Variants in HMOX2 observed in about 807,000 individuals in gnomAD.
HMOX2 encodes the protein heme oxygenase 2, also known as heme oxygenase (decycling) 2.
In HMOX2, 30 loss-of-function variants were observed where a neutral mutation model predicts 33.7. The ratio of observed to expected loss-of-function variants is 0.89; its 90% CI spans 0.67 to 1.21. HMOX2 has a LOEUF of 1.21. HMOX2 is among the 50% of genes most tolerant of loss of function. The pLI is 0.00. For synonymous variants in HMOX2, 155 were observed against 155.0 expected (o/e 1.00, Z 0.00); for missense variants, 403 against 399.1 (o/e 1.01, Z -0.08).
chr16:4,501,379 T>C (rs1475845423), intron 1 of HMOX2, among the ~76,000 whole-genome samples: 1 of 152,242 alleles, frequency 6.6e-6, no homozygotes, highest in Non-Finnish European at 1.5e-5. Flanking sequence ...ACACAGCTTA[T>C]CAACTTGCCC....
chr16:4,482,470 G>A (rs937890005), intron 1 of HMOX2, among the ~76,000 whole-genome samples: 2 of 152,266 alleles, frequency 1.3e-5, no homozygotes, highest in South Asian at 2.1e-4. Context: ...CACCGGTGCG[G>A]TGTCCTCTAA....
At chr16:4,507,302 G>T (rs1403907652) in intron 3 of HMOX2, among the ~76,000 whole-genome samples, 1 of 152,012 alleles carries the variant, frequency 6.6e-6, no homozygotes, top group African/African-American at 2.4e-5. Context: ...AAAATTAGCC[G>T]GGTGTGGTGG....
chr16:4,506,990 A>G lies in HMOX2; in HGVS notation c.182A>G (p.Asn61Ser), dbSNP rs752086119. ...TTTGTCAAGGACTTCTTGAAAGGCA[A>G]CATTAAGAAGGAGCTGTTTAAGGTT... ...TQFVKDFLKG[N>S]IKKELFKLAT... The change falls in exon 3 of 6, where the codon AAC (asparagine) becomes AGC (serine). Residue 61 changes from asparagine to serine, a missense_variant. By Grantham distance (46) the Asn-to-Ser change is conservative (BLOSUM62 1). Coordinates refer to ENST00000570646, the MANE Select transcript of HMOX2 (RefSeq NM_002134.4). The G allele has an allele frequency of 7.4e-6, 12 of 1,610,988 alleles. No individual in the cohort carries two copies. Among genetic ancestry groups the G allele is most frequent in the East Asian group, 4.5e-5 (2 of 44,876 alleles).
At chr16:4,482,271 T>G (rs564499826) in intron 1 of HMOX2, among the ~76,000 whole-genome samples, 4 of 152,270 alleles carry the variant, frequency 2.6e-5, no homozygotes, top group East Asian at 1.9e-4. Context: ...AAATATGCTG[T>G]TCTGAGAAAC....
In HMOX2 at chr16:4,507,856, C is replaced by G; in HGVS notation, c.348C>G (p.Phe116Leu). The change falls in exon 4 of 6, where the codon TTC becomes TTG. Residue 116 changes from phenylalanine (F) to leucine (L), a missense_variant. Transcript: ENST00000570646. Reference sequence around the variant, plus strand: ...CGCTGACCAAGGACATGGAGTATTTCTTTGGTGAAAACTGGGAGGAGCAGG... The same window carrying G: ...CGCTGACCAAGGACATGGAGTATTTGTTTGGTGAAAACTGGGAGGAGCAGG... The part of the protein sequence containing the change: ...KEALTKDMEY[F>L]FGENWEEQVQ... The G allele has an allele frequency of 1.2e-6, 2 of 1,614,202 alleles. No individual in the cohort carries two copies. Among genetic ancestry groups the G allele is most frequent in the East Asian group, 2.2e-5 (1 of 44,880 alleles).
At chr16:4,487,143 C>T (rs185498373) in intron 1 of HMOX2, among the ~76,000 whole-genome samples, 1 of 152,218 alleles carries the variant, frequency 6.6e-6, no homozygotes, top group Admixed American at 6.5e-5. Context: ...CCTGTAGTCT[C>T]AGCTGCTCGA....
intron 2 of HMOX2, among the ~76,000 whole-genome samples, chr16:4,505,967 T>C (rs1438483732): frequency 5.3e-5 from 8 of 152,192 alleles, no homozygotes; most frequent in African/African-American, 1.9e-4. Flanking sequence ...CATAAAAGAC[T>C]GCAGGGCAGC....
At chr16:4,491,216 T>C (rs1567388109) in intron 1 of HMOX2, among the ~76,000 whole-genome samples, 2 of 152,186 alleles carry the variant, frequency 1.3e-5, no homozygotes, top group African/African-American at 4.8e-5. Context: ...TATAAGTCGC[T>C]CTAAAGAAAC....
At chr16:4,486,703 C>T (rs1043739951) in intron 1 of HMOX2, among the ~76,000 whole-genome samples, 3 of 152,176 alleles carry the variant, frequency 2.0e-5, no homozygotes, top group African/African-American at 7.2e-5. Context: ...TTTGGACATA[C>T]AGGCCTAAGA....
At chr16:4,498,061 C>CTTTTT (rs35332500) in intron 1 of HMOX2, among the ~76,000 whole-genome samples, 59 of 104,378 alleles carry the variant, frequency 5.7e-4, no homozygotes, top group Non-Finnish European at 7.3e-4. Context: ...GATTCATTGT[C>CTTTTT]TTTTTTTTTT....
chr16:4,485,556 C>T (rs2160567), intron 1 of HMOX2, among the ~76,000 whole-genome samples: 82,912 of 151,748 alleles, frequency 0.55, 25,824 homozygotes, highest in Non-Finnish European at 0.7. Flanking sequence ...TTGTACTGAA[C>T]CCATTAGGAC....
At chr16:4,475,361 G>A (rs1443548683), upstream of HMOX2, among the ~76,000 whole-genome samples, 4 of 141,828 alleles carry the variant, frequency 2.8e-5, no homozygotes, top group Non-Finnish European at 4.4e-5. Context: ...CTGGAGTGCA[G>A]TGGTGGTGCG....
chr16:4,477,129 G>T (rs2057876880), intron 1 of HMOX2, among the ~76,000 whole-genome samples: 1 of 151,038 alleles, frequency 6.6e-6, no homozygotes, highest in Admixed American at 6.6e-5. Context: ...AGTGCTCTGG[G>T]TGGATTAATT....
At chr16:4,487,578 T>C (rs1015287496) in intron 1 of HMOX2, among the ~76,000 whole-genome samples, 1 of 150,252 alleles carries the variant, frequency 6.7e-6, no homozygotes, top group Non-Finnish European at 1.5e-5. Flanking sequence ...CCGAGGCGGG[T>C]GGATCACAAG....
chr16:4,497,204 A>G (rs2058443196), intron 1 of HMOX2, among the ~76,000 whole-genome samples: 1 of 152,194 alleles, frequency 6.6e-6, no homozygotes, highest in Non-Finnish European at 1.5e-5. Flanking sequence ...CCTGTATGAA[A>G]GGAAACATGA....
At chr16:4,483,614 T>C (rs1238605483) in intron 1 of HMOX2, 1 of 152,202 alleles carries the variant, frequency 6.6e-6, no homozygotes, top group Non-Finnish European at 1.5e-5. Context: ...TAAATCTTTT[T>C]GTTTGTTTGT....
At position 4,506,798 on chromosome 16, in the gene HMOX2, G is replaced by A. The variant is rs573634046; in HGVS notation, c.87-97G>A. 4.7e-5 allele frequency: 39 copies of A among 833,310 alleles called. No homozygotes were observed. In the African/African-American group the frequency reaches 5.9e-4, roughly 13 times the overall value. The allele number at this position is 833,310 out of a possible 1,614,324, so 51.6% of individuals were successfully genotyped here. A position where few individuals can be genotyped will look rare whatever the true frequency, so the allele number is the denominator to read the frequency against. On this transcript the variant is annotated intron_variant, in intron 2 of 5. Transcript: ENST00000570646. ...GCCCCAGCCTCCAGTACAACAGGTGGTCACCTTGGGGTGTGGACTCAATCT... is the reference window on the plus strand; with the variant it reads ...GCCCCAGCCTCCAGTACAACAGGTGATCACCTTGGGGTGTGGACTCAATCT...
chr16:4,500,778 G>T (rs1406862394), intron 1 of HMOX2, among the ~76,000 whole-genome samples: 4 of 152,184 alleles, frequency 2.6e-5, no homozygotes, highest in Non-Finnish European at 2.9e-5. Context: ...TTTAGCAGGA[G>T]CAAAAGCTTT....
intron 2 of HMOX2, among the ~76,000 whole-genome samples, 166 bp downstream of exon 2, chr16:4,505,776 G>T (rs550987135): frequency 6.6e-6 from 1 of 152,358 alleles, no homozygotes; most frequent in Admixed American, 6.5e-5. Flanking sequence ...AGCTTCGGCT[G>T]CTTAGAACTC....
Sources: gnomAD v4.1 joint callset for allele counts (sites outside exome capture counted in the v4.1 genomes callset) on GRCh38, gnomAD v4.1.1 for gene constraint, MANE v1.5 for transcripts, NCBI Gene and HGNC (gene_info 2026-07-23, HGNC 2026-07-21) for gene names.